MECOM: variants seen among roughly 807,000 people sequenced by gnomAD.
MECOM encodes MDS1 and EVI1 complex locus.
Under a neutral mutation model 116.3 loss-of-function variants are expected in MECOM, and 13 were observed. That is an observed-to-expected ratio of 0.11 (90% CI 0.07 to 0.18). The LOEUF (loss-of-function observed/expected upper bound fraction) is 0.18. Ranked by LOEUF, MECOM falls within the 10% of genes least tolerant of loss-of-function variation. The pLI, the probability that MECOM is intolerant of heterozygous loss-of-function variation, is 1.00. For missense variants in MECOM, 1,299 were observed against 1,509.0 expected, an observed-to-expected ratio of 0.86 and a Z score of 2.31; for synonymous variants, 528 against 535.2, an observed-to-expected ratio of 0.99 and a Z score of 0.19.
chr3:169,387,283 T>C (rs1199966855), intron 1 of MECOM, among the ~76,000 whole-genome samples: 1 of 152,256 alleles, frequency 6.6e-6, no homozygotes. Context: ...ATTTCATTTA[T>C]TTGAGCGCCT....
chr3:169,475,345 A>T (rs977955126), intron 1 of MECOM, among the ~76,000 whole-genome samples: 1 of 152,196 alleles, frequency 6.6e-6, no homozygotes, highest in Non-Finnish European at 1.5e-5. Context: ...GCCCAACTTT[A>T]TCAAGACGGT....
chr3:169,197,480 A>G (rs1304672487), intron 2 of MECOM, among the ~76,000 whole-genome samples: 2 of 151,998 alleles, frequency 1.3e-5, no homozygotes, highest in African/African-American at 4.8e-5. Context: ...ACTGATTTCT[A>G]GCAGCTTCTG....
At chr3:169,485,881 A>AT (rs1752097126) in intron 1 of MECOM, among the ~76,000 whole-genome samples, 2 of 134,302 alleles carry the variant, frequency 1.5e-5, no homozygotes, top group Non-Finnish European at 3.1e-5. Flanking sequence ...ATATGTATAT[A>AT]TATGTATATA....
chr3:169,134,232 G>A (rs770194988), intron 3 of MECOM, among the ~76,000 whole-genome samples: 1 of 152,052 alleles, frequency 6.6e-6, no homozygotes, highest in Non-Finnish European at 1.5e-5. Flanking sequence ...GAAATTGATG[G>A]ATACACTGTA....
intron 1 of MECOM, among the ~76,000 whole-genome samples, chr3:169,532,725 G>T (rs144232019): frequency 1.3e-5 from 2 of 152,158 alleles, no homozygotes; most frequent in Non-Finnish European, 2.9e-5. Flanking sequence ...TTTTTACATC[G>T]CTGGCTCCTC....
chr3:169,493,163 T>C (rs191407567), intron 1 of MECOM, among the ~76,000 whole-genome samples: 42 of 152,306 alleles, frequency 2.8e-4, no homozygotes, highest in African/African-American at 1.0e-3. Flanking sequence ...ACTCCATTTA[T>C]TCGTTCAAAA....
intron 2 of MECOM, among the ~76,000 whole-genome samples, chr3:169,368,862 G>A (rs994817402): frequency 1.3e-5 from 2 of 151,962 alleles, no homozygotes; most frequent in Non-Finnish European, 2.9e-5. Flanking sequence ...AATCATGCAA[G>A]TATGGGGGTT....
At chr3:169,174,397 A>G (rs761102055) in intron 2 of MECOM, among the ~76,000 whole-genome samples, 8 of 152,222 alleles carry the variant, frequency 5.3e-5, no homozygotes, top group Non-Finnish European at 7.3e-5. Flanking sequence ...TGAATGCATG[A>G]CATCAAAACT....
intron 2 of MECOM, among the ~76,000 whole-genome samples, chr3:169,243,783 C>G (rs771604464): frequency 3.9e-5 from 6 of 152,212 alleles, no homozygotes; most frequent in Non-Finnish European, 7.3e-5. Flanking sequence ...ACATGGCTAC[C>G]TGTTACTCCG....
chr3:169,644,563 A>C (rs1173334109), intron 1 of MECOM, among the ~76,000 whole-genome samples: 1 of 152,050 alleles, frequency 6.6e-6, no homozygotes, highest in Non-Finnish European at 1.5e-5. Context: ...GGCCCCTACC[A>C]TTTTATATTT....
intron 1 of MECOM, among the ~76,000 whole-genome samples, chr3:169,628,218 C>T (rs1771623049): frequency 6.6e-6 from 1 of 152,160 alleles, no homozygotes; most frequent in Non-Finnish European, 1.5e-5. Flanking sequence ...CGGGGAAAGC[C>T]TCAAATATCT....
At chr3:169,100,788 TTTAA>T (rs879450079) in intron 12 of MECOM, 93 bp downstream of exon 12, 9 of 699,622 alleles carry the variant, frequency 1.3e-5, no homozygotes, top group African/African-American at 1.2e-4. Context: ...AAATTTAAAC[TTTAA>T]TTATTATAAA....
At chr3:169,225,753 GCATGC>G (rs750701360) in intron 2 of MECOM, among the ~76,000 whole-genome samples, 70 of 152,170 alleles carry the variant, frequency 4.6e-4, no homozygotes, top group South Asian at 8.3e-4. Context: ...GGGACTACAG[GCATGC>G]ACCACCACGC....
intron 1 of MECOM, chr3:169,614,974 T>C (rs1769809874): frequency 6.6e-6 from 1 of 152,256 alleles, no homozygotes; most frequent in Non-Finnish European, 1.5e-5. Context: ...AATCTGTCTT[T>C]GCCTCCATTT....
At chr3:169,208,648 G>A (rs1294708998) in intron 2 of MECOM, among the ~76,000 whole-genome samples, 2 of 151,960 alleles carry the variant, frequency 1.3e-5, no homozygotes, top group African/African-American at 2.4e-5. Flanking sequence ...GGGATGTGAA[G>A]GACCTCTTCA....
chr3:169,254,671 G>T (rs1264287411), intron 2 of MECOM, among the ~76,000 whole-genome samples: 1 of 151,952 alleles, frequency 6.6e-6, no homozygotes, highest in Non-Finnish European at 1.5e-5. Context: ...CATGACAAAT[G>T]AGATAATATT....
chr3:169,566,368 A>G (rs1763243580), intron 1 of MECOM, among the ~76,000 whole-genome samples: 1 of 152,196 alleles, frequency 6.6e-6, no homozygotes, highest in Non-Finnish European at 1.5e-5. Flanking sequence ...CAGGGTCTTG[A>G]AAATGACACC....
chr3:169,501,487 A>G (rs958860067), intron 1 of MECOM, among the ~76,000 whole-genome samples: 1 of 151,752 alleles, frequency 6.6e-6, no homozygotes, highest in East Asian at 1.9e-4. Flanking sequence ...AACCAGAAAA[A>G]CCTCTTATTG....
rs1415631608 is a variant in MECOM at position 169,180,793 on chromosome 3, T to TTATATATATA, written c.376-36962_376-36961insTATATATATA. On this transcript the variant is annotated intron_variant, in intron 2 of 16. Transcript: ENST00000651503. ...TTATGTATGTGTGTGTGTGTGGAGA[T>TTATATATATA]GATATATATATATATATATATCAGG... Among the ~76,000 whole-genome samples the TTATATATATA allele has an allele frequency of 1.5e-3, 107 of 71,154 alleles. 5 individuals carry two copies. The highest frequency in any genetic ancestry group is 2.6e-3 in the African/African-American group (41 of 15,598). 46.7% of individuals were successfully genotyped at this position (71,154 alleles called of 152,430 possible).
Sources: gnomAD v4.1 joint callset for allele counts (sites outside exome capture counted in the v4.1 genomes callset) on GRCh38, gnomAD v4.1.1 for gene constraint, MANE v1.5 for transcripts, NCBI Gene and HGNC (gene_info 2026-07-23, HGNC 2026-07-21) for gene names.